Variants in PRDM15 observed in about 807,000 individuals in gnomAD.
PRDM15 encodes the protein PR/SET domain 15.
Under a neutral mutation model 128.6 loss-of-function variants are expected in PRDM15, and 64 were observed. The observed-to-expected ratio is 0.50, with a 90% CI of 0.41 to 0.61. The LOEUF (loss-of-function observed/expected upper bound fraction) is 0.61. Among genes scored for constraint, PRDM15 ranks in the 20% least tolerant of loss-of-function variants. The pLI is 0.00. For synonymous variants in PRDM15, 615 were observed against 621.8 expected (o/e 0.99, Z 0.16); for missense variants, 1,242 against 1,569.1 (o/e 0.79, Z 3.52).
At position 41,828,473 on chromosome 21, in the gene PRDM15, G is replaced by T. The variant is rs1159225247; in HGVS notation, c.1367-140C>A. 2.7e-5 allele frequency: 22 copies of T among 813,242 alleles called. No homozygotes were observed. The highest frequency in any genetic ancestry group is 4.4e-5 in the Non-Finnish European group (21 of 482,204). The allele number at this position is 813,242 out of a possible 1,614,324, so 50.4% of individuals were successfully genotyped here. ...GGGATGCGTGGCCAGGAAGAAAACA[G>T]CACCTGTGTGTCATACACTGTCTAC... On this transcript the variant is annotated intron_variant, in intron 11 of 23. Transcript: ENST00000398548. The surrounding 1 kb of genome is among the most constrained non-coding windows in gnomAD (Gnocchi z 5.7).
chr21:41,855,793 CG>C (rs1388546964), intron 4 of PRDM15, among the ~76,000 whole-genome samples: 4 of 152,230 alleles, frequency 2.6e-5, no homozygotes, highest in African/African-American at 9.6e-5. Flanking sequence ...GTACGTCGAC[CG>C]GATGGGTGCT....
chr21:41,812,011 T>C (rs754558314), intron 19 of PRDM15: 1 of 152,252 alleles, frequency 6.6e-6, no homozygotes, highest in Admixed American at 6.5e-5. Context: ...CAGTCAGTCC[T>C]GGCTCATGGA....
chr21:41,871,830 A>T, intron 1 of PRDM15: 1 of 536,814 alleles, frequency 1.9e-6, no homozygotes, highest in South Asian at 2.4e-5. Flanking sequence ...GTGCAGACAC[A>T]GGGGTGCTCT....
Position 41,879,033 on chromosome 21 carries a change from G to A in PRDM15, c.-10+237C>T, listed in dbSNP as rs1601523220. The A allele has an allele frequency of 1.8e-6, 2 of 1,111,050 alleles. No individual in the cohort carries two copies. The highest frequency in any genetic ancestry group is 2.1e-5 in the South Asian group (1 of 48,128). The allele number at this position is 1,111,050 out of a possible 1,614,324, so 68.8% of individuals were successfully genotyped here. On this transcript the variant is annotated intron_variant, in intron 1 of 23. Coordinates refer to ENST00000398548, the MANE Select transcript of PRDM15 (RefSeq NM_001040424.3). This position sits in a 1 kb window ranked among gnomAD's most constrained non-coding sequence, Gnocchi z 5.1. Reference sequence around the variant, plus strand: ...CGGCGCGCAGGGCGATCCCGGAGCGGCTCCGGGAAATCCAGCCGGGTTTTG... The same window carrying A: ...CGGCGCGCAGGGCGATCCCGGAGCGACTCCGGGAAATCCAGCCGGGTTTTG...
In PRDM15 at chr21:41,801,656, T is replaced by A; in HGVS notation, c.3010A>T (p.Thr1004Ser). The change falls in exon 24 of 24, where the codon ACC becomes TCC. Residue 1004 changes from threonine (T) to serine (S), a missense_variant. Transcript: ENST00000398548. ...PSSSVGLTNI[T>S]VTPITTAAAT... is the part of the protein sequence containing the mutation. The stretch of plus-strand genomic sequence containing the variant: ...GCCGCAGTGGTGATGGGGGTCACGG[T>A]GATGTTGGTTAAGCCGACTGAGCTC... 4 of 1,613,950 alleles carry A rather than the reference T, an allele frequency of 2.5e-6. No homozygotes were observed. Among genetic ancestry groups the A allele is most frequent in the Non-Finnish European group, 3.4e-6 (4 of 1,179,986 alleles).
chr21:41,826,508 A>G (rs746504388), intron 12 of PRDM15, among the ~76,000 whole-genome samples: 1 of 152,216 alleles, frequency 6.6e-6, no homozygotes, highest in Non-Finnish European at 1.5e-5. Context: ...GCAAATTAAC[A>G]TTAGTCAAAT....
chr21:41,870,260 T>TA (rs2064164837), intron 1 of PRDM15, among the ~76,000 whole-genome samples: 1 of 152,182 alleles, frequency 6.6e-6, no homozygotes, highest in Non-Finnish European at 1.5e-5. Flanking sequence ...AGATACAATA[T>TA]AAAAAAAGTA....
intron 17 of PRDM15, 176 bp from the exon 18 acceptor site, chr21:41,819,877 A>G: frequency 1.2e-6 from 1 of 849,566 alleles, no homozygotes; most frequent in Non-Finnish European, 1.8e-6. Context: ...CTGTGACTCC[A>G]GTAGATCCCT....
rs755012059 is a variant in PRDM15 at position 41,838,045 on chromosome 21, A to C, written c.890T>G (p.Ile297Ser). ...AGGCTCATCCGGAGGGACCTCGGTA[A>C]TGATCTCTGCCACTTGCTCTGTACG... ...KEPTEQVAEI[I>S]TEVPPDEPVS... is the part of the protein sequence containing the mutation. Residue 297 changes from isoleucine to serine, a missense_variant, in exon 8 of 24, where the codon ATT (isoleucine) becomes AGT (serine). Transcript: ENST00000398548. 1.2e-6 allele frequency: 2 copies of C among 1,614,162 alleles called. No individual in the cohort carries two copies. Among genetic ancestry groups the C allele is most frequent in the Admixed American group, 3.3e-5 (2 of 60,020 alleles).
chr21:41,838,810 T>C (rs1279183074), intron 7 of PRDM15, among the ~76,000 whole-genome samples: 1 of 152,228 alleles, frequency 6.6e-6, no homozygotes, highest in Non-Finnish European at 1.5e-5. Flanking sequence ...TATTCCACAA[T>C]GGCTGCTCTT....
intron 12 of PRDM15, among the ~76,000 whole-genome samples, chr21:41,826,820 C>G (rs2062487725): frequency 1.3e-5 from 2 of 152,158 alleles, no homozygotes; most frequent in South Asian, 4.1e-4. Context: ...TTAGACTAAG[C>G]TCCAGTATGA....
chr21:41,819,480 C>CCCCCA, intron 18 of PRDM15, 102 bp downstream of exon 18: 2 of 1,131,586 alleles, frequency 1.8e-6, no homozygotes, highest in African/African-American at 1.6e-5. Context: ...CCGCCACACC[C>CCCCCA]ACCTTCCCCA....
rs576146472 is a variant in PRDM15, at chr21:41,840,830, G to A, written c.641-977C>T. ...AAGGGCATGCTGAATTATAACAAGC[G>A]GTTATGAAAAATAACCAAATAAAAC... is the stretch of plus-strand genomic sequence containing the variant. On this transcript the variant is annotated intron_variant, in intron 6 of 23. Coordinates refer to ENST00000398548, the MANE Select transcript of PRDM15 (RefSeq NM_001040424.3). Among the ~76,000 whole-genome samples, 12 of 151,216 alleles carry A rather than the reference G, an allele frequency of 7.9e-5. 1 individual carries two copies. The highest frequency in any genetic ancestry group is 3.9e-4 in the East Asian group (2 of 5,150).
chr21:41,806,045 TCACCAC>T (rs1568880032), intron 21 of PRDM15, among the ~76,000 whole-genome samples: 24 of 16,104 alleles, frequency 1.5e-3, no homozygotes, highest in African/African-American at 2.8e-3. Flanking sequence ...ACCACCACCA[TCACCAC>T]CACCACCATC....
Position 41,872,990 on chromosome 21 carries a change from T to C in PRDM15, c.-10+6280A>G, listed in dbSNP as rs938272663. On this transcript the variant is annotated intron_variant, in intron 1 of 23. Transcript: ENST00000398548. ...TGGTGGTAGGAGGGAAAGACACCCA[T>C]AGCTATAACTTCCCGCACCCTGCGA... Among the ~76,000 whole-genome samples, 112 of 152,300 alleles carry C rather than the reference T, an allele frequency of 7.4e-4. 1 individual carries two copies. The highest frequency in any genetic ancestry group is 2.6e-3 in the African/African-American group (107 of 41,560).
intron 1 of PRDM15, among the ~76,000 whole-genome samples, chr21:41,867,677 G>T (rs532877993): frequency 1.3e-5 from 2 of 152,292 alleles, no homozygotes; most frequent in South Asian, 4.1e-4. Context: ...TACTGGTTTT[G>T]AAATATTAGG....
At chr21:41,829,994 C>T (rs2062627116) in intron 11 of PRDM15, among the ~76,000 whole-genome samples, 1 of 151,548 alleles carries the variant, frequency 6.6e-6, no homozygotes, top group Non-Finnish European at 1.5e-5. Context: ...ACACTCAACA[C>T]ATACTACACA....
At position 41,798,795 on chromosome 21, in the gene PRDM15, G is replaced by C. The variant is rs1450194222; in HGVS notation, c.*2445C>G. ...TTCCTGTCATGATGATCAATATGCA[G>C]AACTGCGTATAGGTGAGGACTCTTC... On this transcript the variant is annotated 3_prime_UTR_variant, in exon 24 of 24. Coordinates refer to ENST00000398548, the MANE Select transcript of PRDM15 (RefSeq NM_001040424.3). 2 of 152,248 alleles carry C rather than the reference G, an allele frequency of 1.3e-5. No homozygotes were observed. The highest frequency in any genetic ancestry group is 2.9e-5 in the Non-Finnish European group (2 of 68,052). The allele number at this position is 152,248 out of a possible 1,614,324, so 9.4% of individuals were successfully genotyped here.
intron 1 of PRDM15, among the ~76,000 whole-genome samples, chr21:41,869,730 C>G (rs1455455781): frequency 6.6e-6 from 1 of 152,224 alleles, no homozygotes; most frequent in Non-Finnish European, 1.5e-5. Context: ...CAGGCGTGAG[C>G]CACCAGGCCC....
Sources: gnomAD v4.1 joint callset for allele counts (sites outside exome capture counted in the v4.1 genomes callset) on GRCh38, gnomAD v4.1.1 for gene constraint, Gnocchi (gnomAD v3.1) non-coding constraint, MANE v1.5 for transcripts, NCBI Gene and HGNC (gene_info 2026-07-23, HGNC 2026-07-21) for gene names.